The following TNFRSF8 variants were observed in gnomAD, a reference collection of about 807,000 sequenced individuals.
The protein encoded by TNFRSF8 is tumor necrosis factor receptor superfamily member 8.
In TNFRSF8, 26 loss-of-function variants were observed where a neutral mutation model predicts 70.8. The observed-to-expected ratio is 0.37, with a 90% confidence interval of 0.27 to 0.51. TNFRSF8 has a LOEUF of 0.51. Among genes scored for constraint, TNFRSF8 ranks in the 20% least tolerant of loss-of-function variants. The probability of loss-of-function intolerance (pLI) is 0.94; values close to 1 mark genes in which losing one functional copy is unlikely to be tolerated. For synonymous variants in TNFRSF8, 356 were observed against 339.2 expected (o/e 1.05, Z -0.54); for missense variants, 720 against 807.9 (o/e 0.89, Z 1.32).
At chr1:12,075,993 G>A (rs1640946578) in intron 1 of TNFRSF8, among the ~76,000 whole-genome samples, 1 of 151,592 alleles carries the variant, frequency 6.6e-6, no homozygotes, top group African/African-American at 2.4e-5. Flanking sequence ...CCTAGCCTGC[G>A]AAAAGCTCCC....
intron 1 of TNFRSF8, among the ~76,000 whole-genome samples, chr1:12,080,795 G>T (rs943818430): frequency 2.6e-5 from 4 of 152,134 alleles, no homozygotes; most frequent in African/African-American, 9.7e-5. Flanking sequence ...CCTGGCCTCA[G>T]CTGACCCTCC....
intron 3 of TNFRSF8, 26 bp from the exon 4 acceptor site, chr1:12,104,353 C>T (rs1396797091): frequency 1.2e-6 from 2 of 1,613,900 alleles, no homozygotes; most frequent in East Asian, 2.2e-5. Context: ...CTGTTCCCCT[C>T]TGTGACCCCT....
chr1:12,120,821 C>T (rs1182404725), intron 8 of TNFRSF8, among the ~76,000 whole-genome samples: 1 of 152,138 alleles, frequency 6.6e-6, no homozygotes, highest in Non-Finnish European at 1.5e-5. Flanking sequence ...ATCACTGACT[C>T]AGGGAGGAAG....
chr1:12,072,000 A>G (rs1018519998), intron 1 of TNFRSF8, among the ~76,000 whole-genome samples: 1 of 152,176 alleles, frequency 6.6e-6, no homozygotes, highest in African/African-American at 2.4e-5. Flanking sequence ...GAGAGACAGT[A>G]GAGCATTTCG....
At chr1:12,083,242 G>A (rs1179376811) in intron 1 of TNFRSF8, among the ~76,000 whole-genome samples, 1 of 152,204 alleles carries the variant, frequency 6.6e-6, no homozygotes, top group Non-Finnish European at 1.5e-5. Context: ...TTAGAAGCCT[G>A]GATGGAGAAT....
rs746893443 is a variant in TNFRSF8 at position 12,138,264 on chromosome 1, C to A, written c.1371C>A (p.Val457=). 1.2e-6 allele frequency: 2 copies of A among 1,613,506 alleles called. No homozygotes were observed. Among genetic ancestry groups the A allele is most frequent in the East Asian group, 2.2e-5 (1 of 44,876 alleles). The change falls in exon 14 of 15, where the codon GTC becomes GTA. Residue 457 remains valine, a synonymous_variant. Transcript: ENST00000263932. This position sits in a 1 kb window ranked among gnomAD's most constrained non-coding sequence, Gnocchi z 5.7. ...LRSGASVTEP[V]AEERGLMSQP... The stretch of plus-strand genomic sequence containing the variant: ...GTGGTGCGTCGGTGACAGAACCCGT[C>A]GCGGAAGAGCGAGGGTTAATGAGCC...
At position 12,138,145 on chromosome 1, in the gene TNFRSF8, TG is replaced by T; in HGVS notation, c.1336-83del. The T allele has an allele frequency of 7.2e-7, 1 of 1,390,788 alleles. No individual in the cohort carries two copies. Among genetic ancestry groups the T allele is most frequent in the Non-Finnish European group, 9.8e-7 (1 of 1,018,962 alleles). 86.2% of individuals were successfully genotyped at this position (1,390,788 alleles called of 1,614,324 possible). A position where few individuals can be genotyped will look rare whatever the true frequency, so the allele number is the denominator to read the frequency against. On this transcript the variant is annotated intron_variant, in intron 13 of 14. Transcript: ENST00000263932. The surrounding 1 kb of genome is among the most constrained non-coding windows in gnomAD (Gnocchi z 5.7). ...GGGGACTCACTGGGGTCTGTAGAGATGAAAAAAAAAAGGGGCCTCCCAGTTC... is the reference window on the plus strand; with the variant it reads ...GGGGACTCACTGGGGTCTGTAGAGATAAAAAAAAAAGGGGCCTCCCAGTTC...
In TNFRSF8 at chr1:12,109,954, A is replaced by G. The variant is rs1641597542; in HGVS notation, c.513-87A>G. The G allele has an allele frequency of 6.7e-7, 1 of 1,494,456 alleles. No homozygotes were observed. The highest frequency in any genetic ancestry group is 1.9e-5 in the Admixed American group (1 of 51,822). The allele number at this position is 1,494,456 out of a possible 1,614,324, so 92.6% of individuals were successfully genotyped here. On this transcript the variant is annotated intron_variant, in intron 5 of 14. Transcript: ENST00000263932. This position sits in a 1 kb window ranked among gnomAD's most constrained non-coding sequence, Gnocchi z 4.4. ...CAGTGGGCCAAGGGCCTGGGACCCC[A>G]TCTCTGTGGAAACTGTTACTCGTGA...
chr1:12,121,030 C>G (rs1641818517), intron 8 of TNFRSF8, among the ~76,000 whole-genome samples: 1 of 152,180 alleles, frequency 6.6e-6, no homozygotes, highest in East Asian at 1.9e-4. Context: ...AGGGGGCTCT[C>G]TCCTCATGAT....
rs1397128823 is a variant in TNFRSF8, at chr1:12,138,111, A to G, written c.1336-118A>G. The G allele has an allele frequency of 1.9e-6, 2 of 1,063,732 alleles. No individual in the cohort carries two copies. Among genetic ancestry groups the G allele is most frequent in the African/African-American group, 1.6e-5 (1 of 61,376 alleles). 65.9% of individuals were successfully genotyped at this position (1,063,732 alleles called of 1,614,324 possible). Reference sequence around the variant, plus strand: ...CGGGGCAGCTCATGGCAGCTTTTAAAGCAGAAAGGGGGACTCACTGGGGTC... The same window carrying G: ...CGGGGCAGCTCATGGCAGCTTTTAAGGCAGAAAGGGGGACTCACTGGGGTC... On this transcript the variant is annotated intron_variant, in intron 13 of 14. Coordinates refer to ENST00000263932, the MANE Select transcript of TNFRSF8 (RefSeq NM_001243.5). This position sits in a 1 kb window ranked among gnomAD's most constrained non-coding sequence, Gnocchi z 5.7.
intron 12 of TNFRSF8, among the ~76,000 whole-genome samples, chr1:12,131,468 A>C (rs1311063220): frequency 6.6e-6 from 1 of 151,182 alleles, no homozygotes; most frequent in African/African-American, 2.4e-5. Flanking sequence ...CAAACAAACA[A>C]ACAAAAAAAC....
At chr1:12,140,149 C>T (rs908148529) in intron 14 of TNFRSF8, among the ~76,000 whole-genome samples, 1 of 152,212 alleles carries the variant, frequency 6.6e-6, no homozygotes, top group Non-Finnish European at 1.5e-5. Flanking sequence ...AAGGAAGTAC[C>T]AGGCTCCCAG....
rs760616034 is a variant in TNFRSF8, at chr1:12,126,022, C to T, written c.1225C>T (p.Arg409Trp). The change falls in exon 11 of 15, where the codon CGG (arginine) becomes TGG (tryptophan). Residue 409 changes from arginine (R) to tryptophan (W), a missense_variant. Physicochemically the swap from Arg to Trp is moderately radical, Grantham distance 101. Transcript: ENST00000263932. ...CTCCAGCGCCTTCCTCCTGTGCCAC[C>T]GGAGGGCCTGCAGGAAGCGAATTCG... ...VGSSAFLLCH[R>W]RACRKRIRQK... The T allele has an allele frequency of 2.4e-5, 38 of 1,613,976 alleles. No individual in the cohort carries two copies. Among genetic ancestry groups the T allele is most frequent in the South Asian group, 1.1e-4 (10 of 91,088 alleles).
chr1:12,087,849 C>T (rs753480995), intron 2 of TNFRSF8, among the ~76,000 whole-genome samples: 5 of 152,112 alleles, frequency 3.3e-5, no homozygotes, highest in Non-Finnish European at 7.4e-5. Flanking sequence ...AGAGGGGGCT[C>T]CCTCCTCCCC....
chr1:12,092,392 C>T (rs1641260871), intron 2 of TNFRSF8, among the ~76,000 whole-genome samples: 1 of 152,014 alleles, frequency 6.6e-6, no homozygotes, highest in Admixed American at 6.5e-5. Context: ...AGGCTAGTCT[C>T]AAACTCCTGG....
chr1:12,084,992 G>A (rs921862355), intron 2 of TNFRSF8, among the ~76,000 whole-genome samples: 6 of 152,228 alleles, frequency 3.9e-5, no homozygotes, highest in Non-Finnish European at 7.3e-5. Context: ...ATGGTGGAAT[G>A]ATCAGGGCTG....
At chr1:12,079,298 C>T (rs1641021523) in intron 1 of TNFRSF8, among the ~76,000 whole-genome samples, 2 of 152,186 alleles carry the variant, frequency 1.3e-5, no homozygotes, top group African/African-American at 2.4e-5. Flanking sequence ...GGGCGGAGGG[C>T]CTCCGGTTGC....
At chr1:12,068,296 G>A (rs1052372476) in intron 1 of TNFRSF8, among the ~76,000 whole-genome samples, 11 of 152,132 alleles carry the variant, frequency 7.2e-5, no homozygotes, top group African/African-American at 2.7e-4. Context: ...TTGTCCAGCC[G>A]GTGCACTGAC....
chr1:12,097,187 C>T lies in TNFRSF8; in HGVS notation c.238C>T (p.Arg80Cys), dbSNP rs762334384. ...TGACTACTACCTGGATGAGGCCGAC[C>T]GCTGTACAGCCTGCGTGACTTGTTC... is the stretch of plus-strand genomic sequence containing the variant. ...EPDYYLDEAD[R>C]CTACVTCSRD... Residue 80 changes from arginine (R) to cysteine (C), a missense_variant, in exon 3 of 15, where the codon CGC becomes TGC. Transcript: ENST00000263932. The T allele has an allele frequency of 1.7e-5, 28 of 1,613,976 alleles. No individual in the cohort carries two copies. Among genetic ancestry groups the T allele is most frequent in the East Asian group, 2.2e-5 (1 of 44,876 alleles).
Sources: gnomAD v4.1 joint callset for allele counts (sites outside exome capture counted in the v4.1 genomes callset) on GRCh38, gnomAD v4.1.1 for gene constraint, Gnocchi (gnomAD v3.1) non-coding constraint, MANE v1.5 for transcripts, NCBI Gene and HGNC (gene_info 2026-07-23, HGNC 2026-07-21) for gene names.